OR1J2: variants seen among roughly 807,000 people sequenced by gnomAD.
OR1J2 encodes the protein olfactory receptor 1J2.
For synonymous variants in OR1J2, 142 were observed against 99.7 expected, an observed-to-expected ratio of 1.42 and a Z score of -2.52; for missense variants, 304 against 246.1, an observed-to-expected ratio of 1.24 and a Z score of -1.57.
chr9:122,479,023 C>T, the OR1J2 span, among the ~76,000 whole-genome samples: 2 of 152,198 alleles, frequency 1.3e-5, no homozygotes, highest in South Asian at 4.1e-4. Context: ...CCACTGCACC[C>T]AGCCTAATTG....
At chr9:122,563,482 A>C in the OR1J2 span, among the ~76,000 whole-genome samples, 2 of 152,124 alleles carry the variant, frequency 1.3e-5, no homozygotes, top group Non-Finnish European at 2.9e-5. Context: ...TTATCGAGAC[A>C]TTTGAGTTTC....
the OR1J2 span, among the ~76,000 whole-genome samples, chr9:122,473,693 T>TA: frequency 0.26 from 39,163 of 152,002 alleles, 5,698 homozygotes; most frequent in African/African-American, 0.39. Flanking sequence ...GTCACGGGAC[T>TA]GTCATTGGAC....
chr9:122,529,525 AAG>A, the OR1J2 span, among the ~76,000 whole-genome samples: 1 of 152,190 alleles, frequency 6.6e-6, no homozygotes, highest in East Asian at 1.9e-4. Flanking sequence ...ATCCTCAAAA[AAG>A]GGTCCAAAGC....
the OR1J2 span, among the ~76,000 whole-genome samples, chr9:122,552,749 A>AGAGTGTGTGTGT: frequency 7.7e-6 from 1 of 129,662 alleles, no homozygotes; most frequent in Non-Finnish European, 1.6e-5. Context: ...AGAGGGCTTG[A>AGAGTGTGTGTGT]GTGTGTGTGT....
the OR1J2 span, chr9:122,567,621 T>C: frequency 1.2e-6 from 2 of 1,613,744 alleles, no homozygotes; most frequent in Middle Eastern, 3.3e-4. Flanking sequence ...GATAAAAGGA[T>C]TGAGCATGGA....
chr9:122,579,845 A>C, the OR1J2 span, among the ~76,000 whole-genome samples: 1 of 152,216 alleles, frequency 6.6e-6, no homozygotes, highest in East Asian at 1.9e-4. Flanking sequence ...GTGCTTACAA[A>C]GTCATTGGAA....
At chr9:122,509,027 T>G (rs1159252939), upstream of OR1J2, among the ~76,000 whole-genome samples, 1 of 152,234 alleles carries the variant, frequency 6.6e-6, no homozygotes, top group Admixed American at 6.5e-5. Context: ...AATACGTCTC[T>G]GATTCAGACT....
the OR1J2 span, among the ~76,000 whole-genome samples, chr9:122,564,862 C>A: frequency 6.6e-6 from 1 of 152,170 alleles, no homozygotes; most frequent in African/African-American, 2.4e-5. Flanking sequence ...ATTCTGCAGC[C>A]CCATGTCATA....
the OR1J2 span, chr9:122,554,273 T>A: frequency 1.3e-6 from 1 of 793,052 alleles, no homozygotes; most frequent in Non-Finnish European, 2.0e-6. Flanking sequence ...ATCCGTTGAC[T>A]CTGAGTTAGG....
chr9:122,567,875 C>A, the OR1J2 span: 1 of 1,613,958 alleles, frequency 6.2e-7, no homozygotes, highest in South Asian at 1.1e-5. Flanking sequence ...GTGCTTCTGT[C>A]ATCTGCACAA....
the OR1J2 span, among the ~76,000 whole-genome samples, chr9:122,563,318 A>T: frequency 0.27 from 41,157 of 151,976 alleles, 5,768 homozygotes; most frequent in Middle Eastern, 0.34. Context: ...AATTTATTGT[A>T]TATTTCATTG....
the OR1J2 span, among the ~76,000 whole-genome samples, chr9:122,457,816 C>T: frequency 2.1e-4 from 32 of 152,082 alleles, no homozygotes; most frequent in African/African-American, 7.5e-4. Flanking sequence ...TTTTTGTTTG[C>T]GACTTATTAG....
At chr9:122,481,959 T>A in the OR1J2 span, among the ~76,000 whole-genome samples, 3 of 152,016 alleles carry the variant, frequency 2.0e-5, no homozygotes, top group Non-Finnish European at 2.9e-5. Context: ...TAGACAAGGA[T>A]TTTTTTGACA....
the OR1J2 span, among the ~76,000 whole-genome samples, chr9:122,464,696 A>G: frequency 6.6e-6 from 1 of 152,190 alleles, no homozygotes; most frequent in Non-Finnish European, 1.5e-5. Context: ...GTAGGTAACC[A>G]CAATTGAGCC....
the OR1J2 span, among the ~76,000 whole-genome samples, chr9:122,520,261 ATTGT>A: frequency 6.6e-6 from 1 of 152,142 alleles, no homozygotes; most frequent in African/African-American, 2.4e-5. Flanking sequence ...AGTTTACATA[ATTGT>A]TTATTTATCT....
At chr9:122,555,255 A>C in the OR1J2 span, among the ~76,000 whole-genome samples, 6 of 152,198 alleles carry the variant, frequency 3.9e-5, no homozygotes, top group Non-Finnish European at 5.9e-5. Context: ...GTGTTGTACA[A>C]TAAATATTGC....
In OR1J2 at chr9:122,511,612, G is replaced by A; in HGVS notation, c.811G>A (p.Asp271Asn). ...FPTVSSSIDKDVIVALMYTVV... is the reference protein window; with the variant it reads ...FPTVSSSIDKNVIVALMYTVV... ...GACTGTAAGCAGTTCTATTGACAAG[G>A]ATGTCATTGTGGCTCTCATGTACAC... is the stretch of plus-strand genomic sequence containing the variant. The change falls in exon 1 of 1, where the codon GAT becomes AAT. Residue 271 changes from aspartate to asparagine, a missense_variant. Physicochemically the swap from Asp to Asn is conservative, Grantham distance 23. Transcript: ENST00000335302. The A allele has an allele frequency of 1.3e-6, 1 of 781,030 alleles. No homozygotes were observed. The highest frequency in any genetic ancestry group is 1.3e-5 in the South Asian group (1 of 74,608). 48.4% of individuals were successfully genotyped at this position (781,030 alleles called of 1,614,324 possible).
chr9:122,516,628 A>T (rs1266634316), downstream of OR1J2, among the ~76,000 whole-genome samples: 2 of 152,142 alleles, frequency 1.3e-5, no homozygotes, highest in Non-Finnish European at 2.9e-5. Flanking sequence ...CATAGAATTT[A>T]TGCAGATAGA....
upstream of OR1J2, among the ~76,000 whole-genome samples, chr9:122,509,567 G>T (rs1003156389): frequency 6.6e-6 from 1 of 152,108 alleles, no homozygotes; most frequent in Non-Finnish European, 1.5e-5. Context: ...AACATGCCAG[G>T]GAATCACAAG....
Sources: gnomAD v4.1 joint callset for allele counts (sites outside exome capture counted in the v4.1 genomes callset) on GRCh38, gnomAD v4.1.1 for gene constraint, MANE v1.5 for transcripts, NCBI Gene and HGNC (gene_info 2026-07-23, HGNC 2026-07-21) for gene names.